GRM7: variants seen among roughly 807,000 people sequenced by gnomAD.
The protein encoded by GRM7 is glutamate metabotropic receptor 7.
GRM7 carries 35 observed loss-of-function variants against 84.5 expected under a neutral mutation model. The observed-to-expected ratio is 0.41, with a 90% CI of 0.32 to 0.55. The LOEUF is 0.55. GRM7 is among the 20% of genes least tolerant of loss of function. The pLI is 0.19. For synonymous variants in GRM7, 487 were observed against 455.1 expected, an observed-to-expected ratio of 1.07 and a Z score of -0.89; for missense variants, 1,003 against 1,194.6, an observed-to-expected ratio of 0.84 and a Z score of 2.36.
At chr3:7,338,332 T>TGGG (rs1462235493) in intron 4 of GRM7, among the ~76,000 whole-genome samples, 2 of 151,822 alleles carry the variant, frequency 1.3e-5, no homozygotes, top group East Asian at 3.9e-4. Flanking sequence ...TAATGGACTC[T>TGGG]GGGGACTTGG....
At chr3:7,666,332 G>T (rs1219053390) in intron 8 of GRM7, among the ~76,000 whole-genome samples, 1 of 152,202 alleles carries the variant, frequency 6.6e-6, no homozygotes, top group East Asian at 1.9e-4. Flanking sequence ...CCCCAAGAAT[G>T]CCAGGATAGA....
At chr3:7,447,850 T>C (rs1697587177) in intron 5 of GRM7, among the ~76,000 whole-genome samples, 1 of 151,496 alleles carries the variant, frequency 6.6e-6, no homozygotes. Flanking sequence ...CTGCACCCAT[T>C]AACTCATCAT....
At chr3:7,521,277 A>C (rs904472) in intron 7 of GRM7, among the ~76,000 whole-genome samples, 1 of 151,916 alleles carries the variant, frequency 6.6e-6, no homozygotes, top group Non-Finnish European at 1.5e-5. Flanking sequence ...GCCAGGTAAA[A>C]CCGCAGTTCT....
At chr3:7,623,690 G>A (rs1697471390) in intron 8 of GRM7, among the ~76,000 whole-genome samples, 1 of 152,118 alleles carries the variant, frequency 6.6e-6, no homozygotes, top group South Asian at 2.1e-4. Context: ...CACCAAGCAT[G>A]ACATGGGAGT....
At chr3:7,011,121 C>A (rs1483541030) in intron 1 of GRM7, among the ~76,000 whole-genome samples, 1 of 152,046 alleles carries the variant, frequency 6.6e-6, no homozygotes, top group Non-Finnish European at 1.5e-5. Context: ...GGATCTCTTA[C>A]CTGACAAAAA....
chr3:7,719,041 G>A lies in GRM7; in HGVS notation c.2699-21316G>A, dbSNP rs143727503. 1.2e-4 allele frequency among the ~76,000 whole-genome samples: 19 copies of A among 152,300 alleles called. No individual in the cohort carries two copies. In the South Asian group the frequency reaches 1.5e-3, roughly 12 times the overall value. The stretch of plus-strand genomic sequence containing the variant: ...TGATATTTTACCTCATTCTCCCAAT[G>A]AGATGGGTGGTTGTGGTAATGGTGT... On this transcript the variant is annotated intron_variant, in intron 9 of 9. Coordinates refer to ENST00000357716, the MANE Select transcript of GRM7 (RefSeq NM_000844.4).
intron 7 of GRM7, among the ~76,000 whole-genome samples, chr3:7,538,270 C>T (rs923559591): frequency 2.0e-5 from 3 of 152,122 alleles, no homozygotes; most frequent in Non-Finnish European, 4.4e-5. Context: ...CAACCACGCC[C>T]AGCTAATTTT....
intron 2 of GRM7, among the ~76,000 whole-genome samples, chr3:7,177,484 T>A (rs1362139926): frequency 1.4e-5 from 2 of 138,024 alleles, no homozygotes; most frequent in African/African-American, 5.5e-5. Context: ...AGTTATTAGC[T>A]ATAATAAACT....
chr3:7,091,526 G>T (rs1335953918), intron 1 of GRM7, among the ~76,000 whole-genome samples: 1 of 151,814 alleles, frequency 6.6e-6, no homozygotes, highest in Non-Finnish European at 1.5e-5. Flanking sequence ...ATCAAGAAAT[G>T]ACCTTTTTGG....
intron 1 of GRM7, among the ~76,000 whole-genome samples, chr3:7,091,212 A>G (rs1208027481): frequency 1.7e-5 from 1 of 58,246 alleles, no homozygotes; most frequent in Non-Finnish European, 2.8e-5. Flanking sequence ...GTGAAGTACC[A>G]AAAAAAAAAA....
chr3:7,330,189 T>C (rs1005615081), intron 4 of GRM7, among the ~76,000 whole-genome samples: 3 of 152,170 alleles, frequency 2.0e-5, no homozygotes, highest in African/African-American at 7.2e-5. Flanking sequence ...ATATATTGAA[T>C]TCCTGCTGTT....
intron 1 of GRM7, among the ~76,000 whole-genome samples, chr3:7,138,012 A>G (rs534839534): frequency 1.4e-4 from 21 of 152,184 alleles, no homozygotes; most frequent in African/African-American, 4.3e-4. Context: ...ATCCAAGTGC[A>G]TGAGATAATA....
intron 9 of GRM7, among the ~76,000 whole-genome samples, chr3:7,710,822 C>T (rs181020011): frequency 1.8e-4 from 28 of 152,300 alleles, no homozygotes; most frequent in African/African-American, 6.7e-4. Context: ...ATCTTCACCC[C>T]ATCATGTGAA....
intron 4 of GRM7, among the ~76,000 whole-genome samples, chr3:7,392,198 G>GA (rs1443349203): frequency 1.3e-5 from 2 of 152,174 alleles, no homozygotes; most frequent in Non-Finnish European, 2.9e-5. Context: ...GACCAAGGGA[G>GA]CAGACTAGAA....
chr3:7,115,553 C>T (rs1055250628), intron 1 of GRM7, among the ~76,000 whole-genome samples: 1 of 152,052 alleles, frequency 6.6e-6, no homozygotes, highest in Admixed American at 6.6e-5. Flanking sequence ...CTATAAAAGG[C>T]TGGTGGATGA....
intron 4 of GRM7, among the ~76,000 whole-genome samples, chr3:7,374,026 T>A (rs1694243911): frequency 6.6e-6 from 1 of 152,122 alleles, no homozygotes; most frequent in Non-Finnish European, 1.5e-5. Flanking sequence ...AGAGGCAGCA[T>A]AGTGTCGTGG....
chr3:7,231,556 A>G (rs1489917282), intron 2 of GRM7, among the ~76,000 whole-genome samples: 1 of 152,220 alleles, frequency 6.6e-6, no homozygotes, highest in African/African-American at 2.4e-5. Flanking sequence ...ATGTTTTGAC[A>G]GCTGTGTGAA....
At chr3:7,017,204 C>T (rs1042364812) in intron 1 of GRM7, among the ~76,000 whole-genome samples, 3 of 152,110 alleles carry the variant, frequency 2.0e-5, no homozygotes, top group African/African-American at 7.2e-5. Context: ...ACTTTGGGCT[C>T]GTTAATATAA....
chr3:7,187,698 T>A (rs1575008259), intron 2 of GRM7, among the ~76,000 whole-genome samples: 1 of 152,302 alleles, frequency 6.6e-6, no homozygotes, highest in South Asian at 2.1e-4. Context: ...GAGCAGTTTA[T>A]GCAGAAATTT....
Sources: allele counts gnomAD v4.1 joint callset (sites outside exome capture counted in the v4.1 genomes callset), GRCh38; gene constraint gnomAD v4.1.1; transcripts MANE v1.5; gene names NCBI Gene and HGNC (gene_info 2026-07-23, HGNC 2026-07-21).